CCDC93: variants seen among roughly 807,000 people sequenced by gnomAD.
The protein encoded by CCDC93 is coiled-coil domain-containing protein 93.
CCDC93 carries 61 observed loss-of-function variants against 108.2 expected under a neutral mutation model. That is an observed-to-expected ratio of 0.56 (90% CI 0.46 to 0.70). The LOEUF (loss-of-function observed/expected upper bound fraction) is 0.70. CCDC93 is among the 30% of genes least tolerant of loss of function. The pLI is 0.00. For synonymous variants in CCDC93, 276 were observed against 260.4 expected, an observed-to-expected ratio of 1.06 and a Z score of -0.58; for missense variants, 685 against 764.2, an observed-to-expected ratio of 0.90 and a Z score of 1.22.
chr2:117,996,552 A>T, intron 4 of CCDC93, 190 bp from the exon 5 acceptor site: 1 of 528,360 alleles, frequency 1.9e-6, no homozygotes, highest in Admixed American at 3.1e-5. Flanking sequence ...TTAAGATCCA[A>T]TGGGACCTAG....
intron 23 of CCDC93, among the ~76,000 whole-genome samples, chr2:117,926,238 A>C (rs1424267820): frequency 6.6e-6 from 1 of 152,208 alleles, no homozygotes; most frequent in Non-Finnish European, 1.5e-5. Flanking sequence ...CACATTCAAA[A>C]GCTAGCAGAA....
At chr2:117,965,656 T>A (rs984570197) in intron 11 of CCDC93, among the ~76,000 whole-genome samples, 2 of 152,214 alleles carry the variant, frequency 1.3e-5, no homozygotes, top group African/African-American at 4.8e-5. Flanking sequence ...TTTATAGGCA[T>A]ACAAATTGTA....
At chr2:117,944,193 G>T (rs1678797494) in intron 17 of CCDC93, 107 bp from the exon 18 acceptor site, 7 of 721,924 alleles carry the variant, frequency 9.7e-6, no homozygotes, top group Non-Finnish European at 2.2e-6. Context: ...CCATCCTAAG[G>T]CCTTAAATTT....
chr2:117,958,680 G>A (rs1679294856), intron 11 of CCDC93, among the ~76,000 whole-genome samples, 199 bp from the exon 12 acceptor site: 1 of 152,158 alleles, frequency 6.6e-6, no homozygotes, highest in South Asian at 2.1e-4. Context: ...AACAGAACCT[G>A]CATTCTGGGC....
intron 22 of CCDC93, chr2:117,931,693 C>T (rs1213345974): frequency 6.6e-6 from 1 of 152,198 alleles, no homozygotes; most frequent in Non-Finnish European, 1.5e-5. Flanking sequence ...ATTTCCATGT[C>T]ATTATAAATT....
intron 17 of CCDC93, 62 bp from the exon 18 acceptor site, chr2:117,944,148 C>T: frequency 8.4e-7 from 1 of 1,193,790 alleles, no homozygotes; most frequent in South Asian, 1.4e-5. Flanking sequence ...TTAATGGAGT[C>T]TTTGAAAGTT....
intron 13 of CCDC93, chr2:117,949,998 G>A: frequency 1.0e-6 from 1 of 985,462 alleles, no homozygotes; most frequent in Non-Finnish European, 1.2e-6. Context: ...TTAAACACAA[G>A]AGCTGGTGCT....
intron 4 of CCDC93, 108 bp from the exon 5 acceptor site, chr2:117,996,470 CTG>C: frequency 1.4e-6 from 1 of 726,478 alleles, no homozygotes; most frequent in South Asian, 1.6e-5. Context: ...CATAGTTGAA[CTG>C]ACTAGGTGAT....
At chr2:117,947,541 A>T (rs751871123) in intron 15 of CCDC93, among the ~76,000 whole-genome samples, 1 of 152,210 alleles carries the variant, frequency 6.6e-6, no homozygotes, top group Non-Finnish European at 1.5e-5. Context: ...GCCGTCTGTC[A>T]ACAAAATATA....
intron 10 of CCDC93, 86 bp downstream of exon 10, chr2:117,974,764 G>C: frequency 1.0e-6 from 1 of 976,680 alleles, no homozygotes; most frequent in Non-Finnish European, 1.6e-6. Flanking sequence ...GGCAGCTCCG[G>C]AGAAGGTGGG....
intron 12 of CCDC93, among the ~76,000 whole-genome samples, chr2:117,955,984 C>G (rs1302023546): frequency 6.6e-6 from 1 of 152,076 alleles, no homozygotes; most frequent in Non-Finnish European, 1.5e-5. Flanking sequence ...CAGCTTATCC[C>G]TACAATTTAA....
chr2:117,958,632 A>G (rs1679293307), intron 11 of CCDC93, 151 bp from the exon 12 acceptor site: 1 of 625,512 alleles, frequency 1.6e-6, no homozygotes, highest in Non-Finnish European at 2.9e-6. Flanking sequence ...AACCTGGCGT[A>G]CAGAAGAGAT....
Position 117,988,686 on chromosome 2 carries a change from T to G in CCDC93, c.520-2617A>C, listed in dbSNP as rs147537271. ...TCCTGAAAGATCTCATAAGAAAAAG[T>G]TACTATAAATGGGACAAATAAGTGC... On this transcript the variant is annotated intron_variant, in intron 6 of 23. Coordinates refer to ENST00000376300, the MANE Select transcript of CCDC93 (RefSeq NM_019044.5). Among the ~76,000 whole-genome samples, 1,018 of 152,310 alleles carry G rather than the reference T, an allele frequency of 6.7e-3. 9 individuals are homozygous for G. The highest frequency in any genetic ancestry group is 0.012 in the Admixed American group (182 of 15,300).
rs767338830 is a variant in CCDC93 at position 117,985,960 on chromosome 2, A to G, written c.620+9T>C. Reference sequence around the variant, plus strand: ...AAAAGAGACACCTAGACTGGGTCCCACTCATTACCTGCCATATTCCAAAAG... The same window carrying G: ...AAAAGAGACACCTAGACTGGGTCCCGCTCATTACCTGCCATATTCCAAAAG... On this transcript the variant is annotated intron_variant, in intron 7 of 23. Transcript: ENST00000376300. 4 of 1,550,534 alleles carry G rather than the reference A, an allele frequency of 2.6e-6. No individual in the cohort carries two copies. In the Admixed American group the frequency reaches 6.7e-5, roughly 26 times the overall value.
chr2:118,007,113 G>T (rs1676894229), intron 2 of CCDC93, among the ~76,000 whole-genome samples: 1 of 152,204 alleles, frequency 6.6e-6, no homozygotes, highest in South Asian at 2.1e-4. Flanking sequence ...GCATGACTGA[G>T]GAGCTGACTT....
At chr2:117,955,433 T>A (rs1679187632) in intron 12 of CCDC93, among the ~76,000 whole-genome samples, 1 of 152,174 alleles carries the variant, frequency 6.6e-6, no homozygotes, top group African/African-American at 2.4e-5. Flanking sequence ...AAATAATTGA[T>A]GAACAACTCA....
rs560500740 is a variant in CCDC93, at chr2:117,923,321, G to A, written c.1843-2925C>T. ...GTTAGCCGAGGCAGGGTGAGGCATC[G>A]CCTCACCCAGGAAGCACAAGGGGTC... On this transcript the variant is annotated intron_variant, in intron 23 of 23. Transcript: ENST00000376300. Among the ~76,000 whole-genome samples the A allele has an allele frequency of 4.8e-3, 737 of 152,226 alleles. 3 individuals carry two copies. Among genetic ancestry groups the A allele is most frequent in the African/African-American group, 0.016 (684 of 41,528 alleles).
At chr2:117,941,140 G>T in intron 19 of CCDC93, 49 bp downstream of exon 19, 1 of 1,336,270 alleles carries the variant, frequency 7.5e-7, no homozygotes, top group Non-Finnish European at 1.1e-6. Flanking sequence ...CAGACCCCTC[G>T]CCTGTCCCTT....
chr2:118,013,939 A>G lies in CCDC93; in HGVS notation c.42+15T>C, dbSNP rs2104842532. On this transcript the variant is annotated intron_variant, in intron 1 of 23. Transcript: ENST00000376300. Reference sequence around the variant, plus strand: ...AGGAACCCCGACGTGTCAGGGAAGGAGGAGGCGTTCTTACCTCCGGGAGAC... The same window carrying G: ...AGGAACCCCGACGTGTCAGGGAAGGGGGAGGCGTTCTTACCTCCGGGAGAC... 1 of 1,574,400 alleles carries G rather than the reference A, an allele frequency of 6.4e-7. No homozygotes were observed. Among genetic ancestry groups the G allele is most frequent in the Non-Finnish European group, 8.6e-7 (1 of 1,161,404 alleles).
Sources: allele counts gnomAD v4.1 joint callset (sites outside exome capture counted in the v4.1 genomes callset), GRCh38; gene constraint gnomAD v4.1.1; transcripts MANE v1.5; gene names NCBI Gene and HGNC (gene_info 2026-07-23, HGNC 2026-07-21).